FBXL7: variants seen among roughly 807,000 people sequenced by gnomAD.
The protein encoded by FBXL7 is F-box/LRR-repeat protein 7.
Under a neutral mutation model 38.3 loss-of-function variants are expected in FBXL7, and 12 were observed. The observed-to-expected ratio is 0.31, with a 90% CI of 0.20 to 0.51. The LOEUF (loss-of-function observed/expected upper bound fraction) is 0.51. Ranked by LOEUF, FBXL7 falls within the 20% of genes least tolerant of loss-of-function variation. The pLI, the probability that FBXL7 is intolerant of heterozygous loss-of-function variation, is 0.98. For missense variants in FBXL7, 567 were observed against 676.4 expected (o/e 0.84, Z 1.79); for synonymous variants, 297 against 300.9 (o/e 0.99, Z 0.13).
intron 2 of FBXL7, among the ~76,000 whole-genome samples, chr5:15,894,340 G>A (rs969766040): frequency 6.6e-6 from 1 of 152,190 alleles, no homozygotes; most frequent in Non-Finnish European, 1.5e-5. Context: ...ATGGACTTCT[G>A]GAATATGTAG....
At chr5:15,560,424 G>T (rs1738377285) in intron 1 of FBXL7, among the ~76,000 whole-genome samples, 1 of 152,252 alleles carries the variant, frequency 6.6e-6, no homozygotes, top group South Asian at 2.1e-4. Context: ...ACTGCAAAAA[G>T]GAGGAAGCAT....
intron 2 of FBXL7, among the ~76,000 whole-genome samples, chr5:15,846,520 G>A (rs1323380096): frequency 6.6e-6 from 1 of 152,184 alleles, no homozygotes; most frequent in Non-Finnish European, 1.5e-5. Context: ...TGCAAGGGTA[G>A]GGGGACTTTT....
At chr5:15,773,766 G>A (rs982122143) in intron 2 of FBXL7, among the ~76,000 whole-genome samples, 2 of 152,136 alleles carry the variant, frequency 1.3e-5, no homozygotes, top group African/African-American at 4.8e-5. Context: ...TAGGGAGGGG[G>A]CATATAAATG....
intron 2 of FBXL7, among the ~76,000 whole-genome samples, chr5:15,693,468 G>A (rs888089244): frequency 5.9e-5 from 9 of 152,166 alleles, no homozygotes; most frequent in South Asian, 2.1e-4. Context: ...TGATACAGGC[G>A]GTGGGCCGGG....
intron 2 of FBXL7, among the ~76,000 whole-genome samples, chr5:15,756,480 C>G (rs1212858863): frequency 6.6e-6 from 1 of 152,148 alleles, no homozygotes; most frequent in African/African-American, 2.4e-5. Context: ...TAATCTATTG[C>G]CGCCATTTGG....
chr5:15,746,206 G>A lies in FBXL7; in HGVS notation c.127+130134G>A, dbSNP rs575511670. Among the ~76,000 whole-genome samples the A allele has an allele frequency of 2.6e-5, 4 of 152,280 alleles. No individual in the cohort carries two copies. The South Asian group carries it at 8.3e-4, about 32-fold the overall frequency. The stretch of plus-strand genomic sequence containing the variant: ...AAAATTAGAGAGGAGGAAGATTCAG[G>A]AGCATAAAAGCAAGACTACTTCTAG... On this transcript the variant is annotated intron_variant, in intron 2 of 3. Transcript: ENST00000504595.
chr5:15,811,729 G>GA (rs1319465171), intron 2 of FBXL7, among the ~76,000 whole-genome samples: 7 of 151,690 alleles, frequency 4.6e-5, no homozygotes, highest in Non-Finnish European at 5.9e-5. Context: ...CAAAAAACTT[G>GA]AAAAAAAAGC....
At chr5:15,821,661 G>A (rs1234258306) in intron 2 of FBXL7, among the ~76,000 whole-genome samples, 1 of 152,174 alleles carries the variant, frequency 6.6e-6, no homozygotes, top group East Asian at 1.9e-4. Context: ...TAATATAATT[G>A]TCACCATAAC....
intron 1 of FBXL7, among the ~76,000 whole-genome samples, chr5:15,603,764 C>A (rs1396374477): frequency 6.6e-6 from 1 of 152,158 alleles, no homozygotes; most frequent in Non-Finnish European, 1.5e-5. Flanking sequence ...AAAGAAAGTA[C>A]CAGTTAGGAC....
intron 1 of FBXL7, among the ~76,000 whole-genome samples, chr5:15,582,748 T>C (rs1038487656): frequency 4.6e-5 from 7 of 152,252 alleles, no homozygotes; most frequent in Admixed American, 2.0e-4. Flanking sequence ...TGATGTGCAA[T>C]TGCCCTTCAT....
At chr5:15,545,052 G>T (rs1359316515) in intron 1 of FBXL7, among the ~76,000 whole-genome samples, 2 of 152,174 alleles carry the variant, frequency 1.3e-5, no homozygotes, top group South Asian at 2.1e-4. Context: ...ACAAGTGGAG[G>T]TGCTGTCTCC....
chr5:15,680,734 A>C (rs1742818686), intron 2 of FBXL7, among the ~76,000 whole-genome samples: 1 of 152,166 alleles, frequency 6.6e-6, no homozygotes, highest in Admixed American at 6.5e-5. Flanking sequence ...TTTCTGAAAA[A>C]AGTTTTAGGA....
At chr5:15,918,916 T>G (rs1741670701) in intron 2 of FBXL7, among the ~76,000 whole-genome samples, 1 of 152,248 alleles carries the variant, frequency 6.6e-6, no homozygotes, top group African/African-American at 2.4e-5. Flanking sequence ...CATTTCTACT[T>G]TATCACAACT....
At chr5:15,714,946 G>C (rs1743995896) in intron 2 of FBXL7, among the ~76,000 whole-genome samples, 1 of 151,536 alleles carries the variant, frequency 6.6e-6, no homozygotes, top group South Asian at 2.1e-4. Flanking sequence ...CTTTGAAGAT[G>C]GAACAGGGGC....
chr5:15,610,651 G>A (rs1052554671), intron 1 of FBXL7, among the ~76,000 whole-genome samples: 3 of 152,120 alleles, frequency 2.0e-5, no homozygotes, highest in South Asian at 2.1e-4. Context: ...CAGAAGCAGG[G>A]CAGAAGAGCA....
intron 2 of FBXL7, among the ~76,000 whole-genome samples, chr5:15,627,612 G>A (rs1349903098): frequency 1.3e-5 from 2 of 152,266 alleles, no homozygotes; most frequent in Non-Finnish European, 2.9e-5. Flanking sequence ...TTTTGGTGAT[G>A]TCAGTGACAA....
intron 2 of FBXL7, among the ~76,000 whole-genome samples, chr5:15,627,634 T>G (rs1740862997): frequency 6.6e-6 from 1 of 152,208 alleles, no homozygotes; most frequent in African/African-American, 2.4e-5. Flanking sequence ...TAGGCCATTC[T>G]GCATCCACGA....
chr5:15,616,597 A>G (rs927192248), intron 2 of FBXL7, among the ~76,000 whole-genome samples: 3 of 152,216 alleles, frequency 2.0e-5, no homozygotes, highest in African/African-American at 7.2e-5. Context: ...GTCAGGACAA[A>G]GATTGGTCGC....
intron 1 of FBXL7, among the ~76,000 whole-genome samples, chr5:15,605,498 G>A (rs761670946): frequency 4.6e-5 from 7 of 152,084 alleles, no homozygotes; most frequent in African/African-American, 7.2e-5. Context: ...AAATAATATC[G>A]TGTAATTCCA....
Sources: allele counts gnomAD v4.1 joint callset (sites outside exome capture counted in the v4.1 genomes callset), GRCh38; gene constraint gnomAD v4.1.1; transcripts MANE v1.5; gene names NCBI Gene and HGNC (gene_info 2026-07-23, HGNC 2026-07-21).